The following FGR variants were observed in gnomAD, a reference collection of about 807,000 sequenced individuals.
The protein encoded by FGR is tyrosine-protein kinase Fgr.
Under a neutral mutation model 63.2 loss-of-function variants are expected in FGR, and 26 were observed. The ratio of observed to expected loss-of-function variants is 0.41; its 90% CI spans 0.30 to 0.57. FGR has a LOEUF of 0.57. Among genes scored for constraint, FGR ranks in the 20% least tolerant of loss-of-function variants. FGR has a pLI of 0.27. For synonymous variants in FGR, 286 were observed against 277.7 expected, an observed-to-expected ratio of 1.03 and a Z score of -0.30; for missense variants, 511 against 690.8, an observed-to-expected ratio of 0.74 and a Z score of 2.92.
chr1:27,623,788 A>G lies in FGR; in HGVS notation c.129T>C (p.Pro43=). The change falls in exon 3 of 13, where the codon CCT becomes CCC. Residue 43 remains proline (P), a synonymous_variant. Coordinates refer to ENST00000374005, the MANE Select transcript of FGR (RefSeq NM_005248.3). ...TGGGGATGTGGGCAAATGAGGATGC[A>G]GGCCGGGCCTTAGTGGGGTCAGGCC... ...HYGPDPTKAR[P]ASSFAHIPNY... is the part of the protein sequence containing the mutation. 1 of 1,614,230 alleles carries G rather than the reference A, an allele frequency of 6.2e-7. No homozygotes were observed. Among genetic ancestry groups the G allele is most frequent in the Non-Finnish European group, 8.5e-7 (1 of 1,180,034 alleles).
Position 27,617,438 on chromosome 1 carries a change from G to A in FGR, c.429-142C>T, listed in dbSNP as rs2089836491. On this transcript the variant is annotated intron_variant, in intron 5 of 12. Transcript: ENST00000374005. This position sits in a 1 kb window ranked among gnomAD's most constrained non-coding sequence, Gnocchi z 4.5. ...TACACCTGCTTCACATCCTGGCTGGGAGGGTTACAGAGAAGGGGAGTGTAA... is the reference window on the plus strand; with the variant it reads ...TACACCTGCTTCACATCCTGGCTGGAAGGGTTACAGAGAAGGGGAGTGTAA... The A allele has an allele frequency of 2.5e-5, 16 of 635,680 alleles. No individual in the cohort carries two copies. The highest frequency in any genetic ancestry group is 4.5e-5 in the Non-Finnish European group (16 of 352,116). 39.4% of individuals were successfully genotyped at this position (635,680 alleles called of 1,614,324 possible). A position where few individuals can be genotyped will look rare whatever the true frequency, so the allele number is the denominator to read the frequency against.
In FGR at chr1:27,614,833, G is replaced by A. The variant is rs771975393; in HGVS notation, c.1095+17C>T. 3.2e-6 allele frequency: 5 copies of A among 1,575,822 alleles called. No homozygotes were observed. Among genetic ancestry groups the A allele is most frequent in the Non-Finnish European group, 4.3e-6 (5 of 1,157,944 alleles). Reference sequence around the variant, plus strand: ...TAGGTGGGAGGTCCGGGAGGTAAAGGCTGCTGGCCCAGTTACCTGGGCTGC... The same window carrying A: ...TAGGTGGGAGGTCCGGGAGGTAAAGACTGCTGGCCCAGTTACCTGGGCTGC... On this transcript the variant is annotated intron_variant, in intron 10 of 12. Coordinates refer to ENST00000374005, the MANE Select transcript of FGR (RefSeq NM_005248.3).
At position 27,623,813 on chromosome 1, in the gene FGR, C is replaced by A; in HGVS notation, c.104G>T (p.Gly35Val). 1 of 1,614,184 alleles carries A rather than the reference C, an allele frequency of 6.2e-7. No individual in the cohort carries two copies. The highest frequency in any genetic ancestry group is 8.5e-7 in the Non-Finnish European group (1 of 1,180,018). Residue 35 changes from glycine to valine, a missense_variant, in exon 3 of 13, where the codon GGG becomes GTG. Gly to Val is a moderately radical substitution (Grantham distance 109). Transcript: ENST00000374005. Reference sequence around the variant, plus strand: ...AGGCCGGGCCTTAGTGGGGTCAGGCCCATAGTGGTCTGCTGCCCCGTAGCT... The same window carrying A: ...AGGCCGGGCCTTAGTGGGGTCAGGCACATAGTGGTCTGCTGCCCCGTAGCT... ...FRSYGAADHY[G>V]PDPTKARPAS...
Position 27,612,889 on chromosome 1 carries a change from C to T in FGR, c.*25G>A, listed in dbSNP as rs767029201. The T allele has an allele frequency of 1.9e-6, 3 of 1,604,020 alleles. No individual in the cohort carries two copies. The South Asian group carries it at 3.3e-5, about 18-fold the overall frequency. Reference sequence around the variant, plus strand: ...ATTGGCAAGGACTGGTGGCCACCGCCAGAGAGGGTTGATGCCCGGACAGGC... The same window carrying T: ...ATTGGCAAGGACTGGTGGCCACCGCTAGAGAGGGTTGATGCCCGGACAGGC... On this transcript the variant is annotated 3_prime_UTR_variant, in exon 13 of 13. Coordinates refer to ENST00000374005, the MANE Select transcript of FGR (RefSeq NM_005248.3).
chr1:27,619,481 G>A (rs977825055), intron 5 of FGR, among the ~76,000 whole-genome samples: 4 of 152,132 alleles, frequency 2.6e-5, no homozygotes, highest in East Asian at 1.9e-4. Flanking sequence ...ATGTGTCACC[G>A]CCCCCAGCCC....
chr1:27,632,140 C>T (rs112787519), intron 1 of FGR, among the ~76,000 whole-genome samples: 5,543 of 139,842 alleles, frequency 0.04, 385 homozygotes, highest in African/African-American at 0.14. Flanking sequence ...TCTTCTTCTT[C>T]TTTTTTTTTT....
In FGR at chr1:27,612,920, C is replaced by T; in HGVS notation, c.1584G>A (p.Gln528=). 6.2e-7 allele frequency: 1 copy of T among 1,613,608 alleles called. No homozygotes were observed. The highest frequency in any genetic ancestry group is 8.5e-7 in the Non-Finnish European group (1 of 1,179,852). The change falls in exon 13 of 13, where the codon CAG becomes CAA. Residue 528 remains glutamine (Q), a synonymous_variant. Coordinates refer to ENST00000374005, the MANE Select transcript of FGR (RefSeq NM_005248.3). ...SAEPQYQPGD[Q]T is the part of the protein sequence containing the mutation. ...GGGTTGATGCCCGGACAGGCTATGT[C>T]TGATCCCCGGGCTGGTACTGTGGTT...
At chr1:27,632,223 G>T (rs541164261) in intron 1 of FGR, among the ~76,000 whole-genome samples, 1 of 150,334 alleles carries the variant, frequency 6.7e-6, no homozygotes, top group Admixed American at 6.6e-5. Flanking sequence ...TGCAACCTCT[G>T]CCTCCCGGGT....
Position 27,632,507 on chromosome 1 carries a change from A to G in FGR, c.-77+2558T>C, listed in dbSNP as rs189861178. ...CGAAACTGCCTCCTGAAGAAGACAT[A>G]CCCACCCAACCCTGTCTGACTCCAC... is the stretch of plus-strand genomic sequence containing the variant. On this transcript the variant is annotated intron_variant, in intron 1 of 12. Coordinates refer to ENST00000374005, the MANE Select transcript of FGR (RefSeq NM_005248.3). Among the ~76,000 whole-genome samples the G allele has an allele frequency of 5.2e-3, 794 of 152,054 alleles. 8 individuals are homozygous for G. Among genetic ancestry groups the G allele is most frequent in the Non-Finnish European group, 4.6e-3 (314 of 67,994 alleles).
chr1:27,614,337 C>T, intron 11 of FGR, 93 bp downstream of exon 11: 6 of 1,416,294 alleles, frequency 4.2e-6, no homozygotes, highest in South Asian at 4.1e-5. Flanking sequence ...ACTCGGGCGA[C>T]CTGGAGTGAG....
At chr1:27,614,663 T>C (rs1014751281) in intron 10 of FGR, 80 bp from the exon 11 acceptor site, 4 of 1,532,328 alleles carry the variant, frequency 2.6e-6, no homozygotes, top group Non-Finnish European at 2.7e-6. Context: ...GAGGGACCAT[T>C]TGAAAAACCC....
intron 1 of FGR, among the ~76,000 whole-genome samples, chr1:27,631,873 CG>C (rs1275030697): frequency 6.6e-6 from 1 of 152,094 alleles, no homozygotes; most frequent in Non-Finnish European, 1.5e-5. Context: ...GCAAGAGTTC[CG>C]GCTTCTCCTC....
rs776884502 is a variant in FGR at position 27,623,858 on chromosome 1, C to A, written c.59G>T (p.Gly20Val). The A allele has an allele frequency of 6.2e-7, 1 of 1,611,902 alleles. No homozygotes were observed. The highest frequency in any genetic ancestry group is 1.1e-5 in the South Asian group (1 of 91,054). Residue 20 changes from glycine (G) to valine (V), a missense_variant, in exon 3 of 13, where the codon GGC (glycine) becomes GTC (valine). By Grantham distance (109) the Gly-to-Val change is moderately radical. Transcript: ENST00000374005. ...EPVATAKEDA[G>V]LEGDFRSYGA... ...GTAGCTTCTGAAGTCCCCTTCCAGG[C>A]CAGCATCCTCCTTGGCCGTGGCCAC...
chr1:27,612,418 G>C lies in FGR; in HGVS notation c.*496C>G, dbSNP rs1188095414. The C allele has an allele frequency of 1.2e-5, 2 of 161,156 alleles. No individual in the cohort carries two copies. The highest frequency in any genetic ancestry group is 2.7e-5 in the Non-Finnish European group (2 of 72,936). 10.0% of individuals were successfully genotyped at this position (161,156 alleles called of 1,614,324 possible). A position where few individuals can be genotyped will look rare whatever the true frequency, so the allele number is the denominator to read the frequency against. ...CCCTCAAACCTGGGCCCAGACCCCA[G>C]TCCTGGACCACTGCATCCACCCAGC... On this transcript the variant is annotated 3_prime_UTR_variant, in exon 13 of 13. Transcript: ENST00000374005.
At chr1:27,624,008 A>G in intron 2 of FGR, 79 bp from the exon 3 acceptor site, 2 of 1,217,418 alleles carry the variant, frequency 1.6e-6, no homozygotes, top group Non-Finnish European at 2.3e-6. Context: ...GCACATGCTC[A>G]TACGCTCATA....
At chr1:27,620,208 T>C (rs2089895622) in intron 5 of FGR, among the ~76,000 whole-genome samples, 1 of 152,022 alleles carries the variant, frequency 6.6e-6, no homozygotes. Context: ...TCCCAGGTAC[T>C]TGGAAGGCTG....
At chr1:27,626,012 T>C in intron 1 of FGR, 1 of 399,116 alleles carries the variant, frequency 2.5e-6, no homozygotes, top group Non-Finnish European at 4.4e-6. Context: ...ACCCTAGGGT[T>C]CCATGTGGTG....
chr1:27,615,680 G>T lies in FGR; in HGVS notation c.838+9C>A. The T allele has an allele frequency of 1.3e-6, 2 of 1,597,306 alleles. No individual in the cohort carries two copies. Among genetic ancestry groups the T allele is most frequent in the Non-Finnish European group, 1.7e-6 (2 of 1,167,806 alleles). ...CAGGCCCTCGTCCCGGCCCCCGGGAGCTCCGTACCCAGCCACACATCCCCG... is the reference window on the plus strand; with the variant it reads ...CAGGCCCTCGTCCCGGCCCCCGGGATCTCCGTACCCAGCCACACATCCCCG... On this transcript the variant is annotated intron_variant, in intron 8 of 12. Coordinates refer to ENST00000374005, the MANE Select transcript of FGR (RefSeq NM_005248.3). The surrounding 1 kb of genome is among the most constrained non-coding windows in gnomAD (Gnocchi z 7.6).
intron 1 of FGR, among the ~76,000 whole-genome samples, chr1:27,627,694 C>T (rs572876330): frequency 2.0e-4 from 30 of 152,204 alleles, no homozygotes; most frequent in Admixed American, 5.2e-4. Flanking sequence ...CTGCAACCTC[C>T]GCCTCCTGGG....
Sources: allele counts gnomAD v4.1 joint callset (sites outside exome capture counted in the v4.1 genomes callset), GRCh38; gene constraint gnomAD v4.1.1; non-coding constraint Gnocchi (gnomAD v3.1); transcripts MANE v1.5; gene names NCBI Gene and HGNC (gene_info 2026-07-23, HGNC 2026-07-21).